The following DENND4C variants were observed in gnomAD, a reference collection of about 807,000 sequenced individuals.
DENND4C encodes the protein DENN domain-containing protein 4C.
DENND4C carries 108 observed loss-of-function variants against 203.0 expected under a neutral mutation model. That is an observed-to-expected ratio of 0.53 (90% CI 0.46 to 0.62). DENND4C has a LOEUF of 0.62. Among genes scored for constraint, DENND4C ranks in the 20% least tolerant of loss-of-function variants. The pLI is 0.00. For missense variants in DENND4C, 2,481 were observed against 2,301.2 expected (o/e 1.08, Z -1.60); for synonymous variants, 871 against 792.4 (o/e 1.10, Z -1.67).
intron 9 of DENND4C, among the ~76,000 whole-genome samples, chr9:19,302,461 G>T (rs1838782622): frequency 1.3e-5 from 2 of 152,192 alleles, no homozygotes; most frequent in Non-Finnish European, 2.9e-5. Flanking sequence ...TTGAAAAGGA[G>T]ATAGTTGTCA....
At chr9:19,245,216 C>A (rs1219718575) in intron 1 of DENND4C, among the ~76,000 whole-genome samples, 1 of 151,940 alleles carries the variant, frequency 6.6e-6, no homozygotes, top group African/African-American at 2.4e-5. Flanking sequence ...CGCCTGTAAT[C>A]CCAGCACTTT....
chr9:19,355,131 C>T (rs747238437), intron 26 of DENND4C, among the ~76,000 whole-genome samples: 13 of 151,030 alleles, frequency 8.6e-5, no homozygotes, highest in African/African-American at 1.5e-4. Context: ...AGGATGGTCT[C>T]GATCTCATGA....
In DENND4C at chr9:19,276,441, T is replaced by C; in HGVS notation, c.267T>C (p.Tyr89=). Residue 89 remains tyrosine (Y), a synonymous_variant, in exon 2 of 33, where the codon TAT becomes TAC. Coordinates refer to ENST00000434457, the MANE Select transcript of DENND4C (RefSeq NM_001330640.2). ...AAAGCCCAGAACTTTTCCTCTGTTA[T>C]AAGAGAGGGAGAGATAAACCACCGC... ...SLKSPELFLC[Y]KRGRDKPPLT... 1.3e-5 allele frequency: 16 copies of C among 1,232,112 alleles called. No homozygotes were observed. The highest frequency in any genetic ancestry group is 1.6e-5 in the Non-Finnish European group (16 of 987,950). 76.3% of individuals were successfully genotyped at this position (1,232,112 alleles called of 1,614,324 possible). A position where few individuals can be genotyped will look rare whatever the true frequency, so the allele number is the denominator to read the frequency against.
At chr9:19,356,521 G>A (rs985175380) in intron 26 of DENND4C, among the ~76,000 whole-genome samples, 3 of 151,838 alleles carry the variant, frequency 2.0e-5, no homozygotes, top group Middle Eastern at 3.4e-3. Context: ...GAAATGATTA[G>A]AAACAAGATG....
chr9:19,262,832 G>C (rs1295388138), intron 1 of DENND4C, among the ~76,000 whole-genome samples: 3 of 152,166 alleles, frequency 2.0e-5, no homozygotes, highest in Admixed American at 2.0e-4. Context: ...GCCTCCCAAA[G>C]TGCTGGGATT....
intron 19 of DENND4C, 120 bp from the exon 20 acceptor site, chr9:19,336,566 G>GT: frequency 4.2e-6 from 6 of 1,429,376 alleles, no homozygotes; most frequent in Non-Finnish European, 4.6e-6. Flanking sequence ...AATTATTTTT[G>GT]TTTTTTTCCA....
intron 10 of DENND4C, among the ~76,000 whole-genome samples, chr9:19,307,083 A>T (rs561111527): frequency 6.6e-6 from 1 of 152,064 alleles, no homozygotes; most frequent in East Asian, 1.9e-4. Context: ...TGTGCCCGGC[A>T]TGCTCAATTG....
intron 1 of DENND4C, among the ~76,000 whole-genome samples, chr9:19,235,384 CT>C (rs1284770167): frequency 6.6e-6 from 1 of 152,232 alleles, no homozygotes; most frequent in Non-Finnish European, 1.5e-5. Flanking sequence ...GCATGTATCA[CT>C]TGCATTCATT....
chr9:19,259,512 T>TG (rs1828838524), intron 1 of DENND4C, among the ~76,000 whole-genome samples: 1 of 150,364 alleles, frequency 6.7e-6, no homozygotes. Context: ...TTTCTTTTTT[T>TG]TTTTTTTTTG....
chr9:19,237,514 G>T (rs1420367291), intron 1 of DENND4C, among the ~76,000 whole-genome samples: 1 of 152,096 alleles, frequency 6.6e-6, no homozygotes, highest in Non-Finnish European at 1.5e-5. Flanking sequence ...ACCACGCCTG[G>T]CTAATTTTGT....
At chr9:19,371,644 T>C in intron 31 of DENND4C, 112 bp from the exon 32 acceptor site, 1 of 601,406 alleles carries the variant, frequency 1.7e-6, no homozygotes, top group Admixed American at 3.4e-5. Context: ...ATTGACATAG[T>C]TATATTACTA....
At chr9:19,315,407 GTTTGTTATATTTATGCTAACT>G (rs1395190018) in intron 10 of DENND4C, among the ~76,000 whole-genome samples, 1 of 151,530 alleles carries the variant, frequency 6.6e-6, no homozygotes, top group Non-Finnish European at 1.5e-5. Context: ...TTTAAAGAAA[GTTTGTTATATTTATGCTAACT>G]TTTGTAAGAA....
chr9:19,342,613 A>G lies in DENND4C; in HGVS notation c.3005-20A>G, dbSNP rs1821907855. 1 of 1,577,548 alleles carries G rather than the reference A, an allele frequency of 6.3e-7. No homozygotes were observed. The highest frequency in any genetic ancestry group is 2.3e-5 in the East Asian group (1 of 43,950). The stretch of plus-strand genomic sequence containing the variant: ...TATTGGCAAAAGTAGGAATGATAAC[A>G]TCCAAATATTTTTTTCCAGAGGTGT... On this transcript the variant is annotated intron_variant, in intron 21 of 32. Transcript: ENST00000434457.
chr9:19,241,375 T>A (rs1823665851), intron 1 of DENND4C, among the ~76,000 whole-genome samples: 2 of 152,130 alleles, frequency 1.3e-5, no homozygotes, highest in Admixed American at 1.3e-4. Flanking sequence ...TTTTTCTATT[T>A]AAAAAATGAA....
intron 1 of DENND4C, among the ~76,000 whole-genome samples, chr9:19,245,234 C>T (rs1179155863): frequency 6.6e-6 from 1 of 151,172 alleles, no homozygotes; most frequent in African/African-American, 2.4e-5. Flanking sequence ...TTTGGGAGGC[C>T]GAGGCGGGCA....
At chr9:19,303,319 C>G (rs866596399) in intron 9 of DENND4C, among the ~76,000 whole-genome samples, 11 of 152,216 alleles carry the variant, frequency 7.2e-5, no homozygotes, top group Middle Eastern at 3.4e-3. Flanking sequence ...TTTCTCTCTT[C>G]CTGCTAGACA....
chr9:19,258,784 A>G (rs918518976), intron 1 of DENND4C, among the ~76,000 whole-genome samples: 7 of 151,966 alleles, frequency 4.6e-5, no homozygotes, highest in Non-Finnish European at 8.8e-5. Context: ...CCTCCAGAGT[A>G]GCTGGGACTA....
rs1362610558 is a variant in DENND4C at position 19,372,902 on chromosome 9, G to C, written c.*729G>C. On this transcript the variant is annotated 3_prime_UTR_variant, in exon 33 of 33. Coordinates refer to ENST00000434457, the MANE Select transcript of DENND4C (RefSeq NM_001330640.2). ...AAAAGAGAGCAACATATTTGTGTAA[G>C]TTTGTATATGTGTAGGGCTGTGTAG... The C allele has an allele frequency of 6.7e-6, 1 of 150,344 alleles. No individual in the cohort carries two copies. Among genetic ancestry groups the C allele is most frequent in the Non-Finnish European group, 1.5e-5 (1 of 67,810 alleles). The allele number at this position is 150,344 out of a possible 1,614,324, so 9.3% of individuals were successfully genotyped here. A position where few individuals can be genotyped will look rare whatever the true frequency, so the allele number is the denominator to read the frequency against.
At chr9:19,311,866 G>C (rs544537471) in intron 10 of DENND4C, among the ~76,000 whole-genome samples, 1 of 152,186 alleles carries the variant, frequency 6.6e-6, no homozygotes. Context: ...AGCTTCTATG[G>C]AGGATATCTG....
Sources: allele counts gnomAD v4.1 joint callset (sites outside exome capture counted in the v4.1 genomes callset), GRCh38; gene constraint gnomAD v4.1.1; transcripts MANE v1.5; gene names NCBI Gene and HGNC (gene_info 2026-07-23, HGNC 2026-07-21).